Variants in AFG3L2 observed in about 807,000 individuals in gnomAD.
The protein encoded by AFG3L2 is mitochondrial inner membrane m-AAA protease component AFG3L2.
AFG3L2 carries 54 observed loss-of-function variants against 94.5 expected under a neutral mutation model. The ratio of observed to expected loss-of-function variants is 0.57; its 90% CI spans 0.46 to 0.72. The LOEUF is 0.72. Ranked by LOEUF, AFG3L2 falls within the 30% of genes least tolerant of loss-of-function variation. The probability of loss-of-function intolerance (pLI) is 0.00; values close to 1 mark genes in which losing one functional copy is unlikely to be tolerated. For synonymous variants in AFG3L2, 377 were observed against 365.5 expected (o/e 1.03, Z -0.36); for missense variants, 754 against 994.9 (o/e 0.76, Z 3.26).
intron 9 of AFG3L2, among the ~76,000 whole-genome samples, chr18:12,355,055 T>G (rs1321394875): frequency 6.6e-6 from 1 of 151,784 alleles, no homozygotes; most frequent in Non-Finnish European, 1.5e-5. Context: ...CCATCTCTAC[T>G]AAAAATACAA....
intron 14 of AFG3L2, 74 bp from the exon 15 acceptor site, chr18:12,340,475 A>ATGTT: frequency 8.3e-7 from 1 of 1,206,566 alleles, no homozygotes; most frequent in Non-Finnish European, 1.2e-6. Context: ...GTATAAACAG[A>ATGTT]TAAACTCATT....
At chr18:12,366,466 C>A (rs1382332993) in intron 5 of AFG3L2, among the ~76,000 whole-genome samples, 4 of 152,176 alleles carry the variant, frequency 2.6e-5, no homozygotes, top group African/African-American at 9.7e-5. Context: ...ACCCACTTGG[C>A]CCTCCCTTAG....
chr18:12,340,093 C>A (rs1907898643), intron 15 of AFG3L2, 108 bp downstream of exon 15: 1 of 1,090,310 alleles, frequency 9.2e-7, no homozygotes, highest in Non-Finnish European at 1.4e-6. Context: ...CCTAAAAAGC[C>A]TAAAACAGTG....
chr18:12,348,224 A>C, intron 13 of AFG3L2, 49 bp downstream of exon 13: 1 of 1,509,786 alleles, frequency 6.6e-7, no homozygotes. Context: ...CCCTGGCCTC[A>C]AATTCATTTT....
At chr18:12,351,020 G>A in intron 12 of AFG3L2, 65 bp downstream of exon 12, 1 of 1,595,250 alleles carries the variant, frequency 6.3e-7, no homozygotes, top group Non-Finnish European at 8.6e-7. Flanking sequence ...AAGTAAACCG[G>A]TACCTGGTAA....
chr18:12,350,420 G>A (rs562436310), intron 12 of AFG3L2, among the ~76,000 whole-genome samples: 1 of 150,372 alleles, frequency 6.7e-6, no homozygotes, highest in Non-Finnish European at 1.5e-5. Context: ...TTTCAATAGA[G>A]CTTTTAAAAA....
In AFG3L2 at chr18:12,377,071, G is replaced by T. The variant is rs760907212; in HGVS notation, c.12C>A (p.Arg4=). The T allele has an allele frequency of 1.4e-6, 2 of 1,427,188 alleles. No individual in the cohort carries two copies. The highest frequency in any genetic ancestry group is 9.2e-7 in the Non-Finnish European group (1 of 1,090,864). 88.4% of individuals were successfully genotyped at this position (1,427,188 alleles called of 1,614,324 possible). MAH[R]CLRLWGRGGC... ...CGCCCCGGCCCCACAGCCGCAAACA[G>T]CGGTGCGCCATGGCCGCCGCCGTGG... is the stretch of plus-strand genomic sequence containing the variant. Residue 4 remains arginine (R), a synonymous_variant, in exon 1 of 17, where the codon CGC becomes CGA. Transcript: ENST00000269143.
intron 1 of AFG3L2, 84 bp from the exon 2 acceptor site, chr18:12,371,775 T>A: frequency 9.0e-7 from 1 of 1,111,594 alleles, no homozygotes; most frequent in Non-Finnish European, 1.3e-6. Flanking sequence ...ATAAAGTAGA[T>A]GAAAGGTCTC....
At chr18:12,360,084 T>A (rs374315681) in intron 6 of AFG3L2, 33 bp from the exon 7 acceptor site, 1 of 1,609,398 alleles carries the variant, frequency 6.2e-7, no homozygotes, top group African/African-American at 1.3e-5. Flanking sequence ...ATCCTAAGAA[T>A]GTAGTGAAAC....
At chr18:12,362,377 T>C (rs534106011) in intron 6 of AFG3L2, among the ~76,000 whole-genome samples, 24 of 152,306 alleles carry the variant, frequency 1.6e-4, no homozygotes, top group African/African-American at 5.3e-4. Flanking sequence ...ACTTGGGATA[T>C]GCACATACAG....
chr18:12,329,365 C>G lies in AFG3L2; in HGVS notation c.*200G>C. The G allele has an allele frequency of 1.5e-6, 1 of 677,658 alleles. No homozygotes were observed. The highest frequency in any genetic ancestry group is 2.6e-6 in the Non-Finnish European group (1 of 377,490). The allele number at this position is 677,658 out of a possible 1,614,324, so 42.0% of individuals were successfully genotyped here. On this transcript the variant is annotated 3_prime_UTR_variant, in exon 17 of 17. Coordinates refer to ENST00000269143, the MANE Select transcript of AFG3L2 (RefSeq NM_006796.3). ...GCTATGGGACAGTGTGCATTTCCCT[C>G]AAGGCCTCCGGAAAGTCACCTGCCA... is the stretch of plus-strand genomic sequence containing the variant.
At position 12,351,194 on chromosome 18, in the gene AFG3L2, T is replaced by C; in HGVS notation, c.1443A>G (p.Lys481=). 4 of 1,614,162 alleles carry C rather than the reference T, an allele frequency of 2.5e-6. No homozygotes were observed. The highest frequency in any genetic ancestry group is 3.4e-6 in the Non-Finnish European group (4 of 1,180,020). ...GAACTTTGAAAATAGAAGCTCTTCC[T>C]TTTATGTCTGGTGGTCCTTTAGAAA... ...RQIFIGPPDI[K]GRASIFKVHL... The change falls in exon 12 of 17, where the codon AAA becomes AAG. Residue 481 remains lysine (K), a synonymous_variant. Transcript: ENST00000269143.
intron 16 of AFG3L2, among the ~76,000 whole-genome samples, chr18:12,336,458 A>T (rs753209888): frequency 1.3e-5 from 2 of 152,156 alleles, no homozygotes; most frequent in Non-Finnish European, 2.9e-5. Flanking sequence ...ACCAGCCAGC[A>T]TTCCTCACTC....
At chr18:12,353,595 C>T (rs1908393610) in intron 9 of AFG3L2, among the ~76,000 whole-genome samples, 1 of 150,862 alleles carries the variant, frequency 6.6e-6, no homozygotes, top group Non-Finnish European at 1.5e-5. Context: ...GTGATACACA[C>T]TGTAAGGTAC....
chr18:12,341,900 T>G (rs1212299384), intron 14 of AFG3L2: 4 of 152,160 alleles, frequency 2.6e-5, no homozygotes, highest in African/African-American at 9.7e-5. Flanking sequence ...CAGGCTGGAG[T>G]GCAGTGGCAC....
At chr18:12,352,267 C>CA (rs1369976007) in intron 10 of AFG3L2, among the ~76,000 whole-genome samples, 1 of 152,206 alleles carries the variant, frequency 6.6e-6, no homozygotes, top group African/African-American at 2.4e-5. Flanking sequence ...GTGAACGCAA[C>CA]AGGGGCTGAC....
Position 12,360,498 on chromosome 18 carries a change from T to C in AFG3L2, c.628-447A>G, listed in dbSNP as rs570366905. On this transcript the variant is annotated intron_variant, in intron 6 of 16. Transcript: ENST00000269143. ...CATTGTTCTGGGCCCTTCAGATGCA[T>C]TAGTTCATTCAATCCTGAGGACCAT... 3.9e-5 allele frequency among the ~76,000 whole-genome samples: 6 copies of C among 152,274 alleles called. No homozygotes were observed. In the South Asian group the frequency reaches 1.2e-3, roughly 32 times the overall value.
chr18:12,376,918 A>C, intron 1 of AFG3L2, 51 bp downstream of exon 1: 1 of 1,315,626 alleles, frequency 7.6e-7, no homozygotes, highest in South Asian at 1.6e-5. Flanking sequence ...CCCGAGCCGG[A>C]AGTGGGCCCG....
intron 3 of AFG3L2, among the ~76,000 whole-genome samples, chr18:12,368,472 C>T (rs1908877169): frequency 6.6e-6 from 1 of 152,162 alleles, no homozygotes; most frequent in African/African-American, 2.4e-5. Flanking sequence ...TGACAAATGG[C>T]TAAAAAAACA....
Sources: allele counts gnomAD v4.1 joint callset (sites outside exome capture counted in the v4.1 genomes callset), GRCh38; gene constraint gnomAD v4.1.1; transcripts MANE v1.5; gene names NCBI Gene and HGNC (gene_info 2026-07-23, HGNC 2026-07-21).